Variants in C19orf47 observed in about 807,000 individuals in gnomAD.
C19orf47 encodes chromosome 19 open reading frame 47.
C19orf47 carries 18 observed loss-of-function variants against 32.3 expected under a neutral mutation model. That is an observed-to-expected ratio of 0.56 (90% confidence interval 0.39 to 0.83). The LOEUF (loss-of-function observed/expected upper bound fraction) is 0.83, where lower values mean the gene tolerates loss of function less well. C19orf47 is among the 40% of genes least tolerant of loss of function. The pLI is 0.00. For synonymous variants in C19orf47, 202 were observed against 211.1 expected (o/e 0.96, Z 0.37); for missense variants, 484 against 531.6 (o/e 0.91, Z 0.88).
chr19:40,323,931 G>C (rs1039206982), intron 8 of C19orf47, 75 bp downstream of exon 8: 1 of 1,567,962 alleles, frequency 6.4e-7, no homozygotes, highest in Non-Finnish European at 8.8e-7. Context: ...GTTGAGATGT[G>C]TTAAAGAGTC....
chr19:40,332,944 G>A (rs2077984816), intron 5 of C19orf47, among the ~76,000 whole-genome samples: 1 of 152,102 alleles, frequency 6.6e-6, no homozygotes. Context: ...TCACATTTTT[G>A]TTGGTGATTT....
chr19:40,296,920 A>T, the C19orf47 span, among the ~76,000 whole-genome samples: 1 of 152,048 alleles, frequency 6.6e-6, no homozygotes, highest in Non-Finnish European at 1.5e-5. Context: ...TCTCAAAAAA[A>T]AAAAGATAAA....
the C19orf47 span, among the ~76,000 whole-genome samples, chr19:40,295,537 C>A: frequency 1.3e-5 from 2 of 150,932 alleles, no homozygotes; most frequent in Non-Finnish European, 3.0e-5. Flanking sequence ...CAGGTTCAAG[C>A]GATTCTCCCT....
intron 2 of C19orf47, among the ~76,000 whole-genome samples, chr19:40,336,808 C>T (rs894971219): frequency 6.6e-6 from 1 of 152,254 alleles, no homozygotes; most frequent in East Asian, 1.9e-4. Flanking sequence ...CTGCCCTAGT[C>T]CCCATCAGCC....
At position 40,319,554 on chromosome 19, in the gene C19orf47, T is replaced by C. The variant is rs2077687582; in HGVS notation, c.*2328A>G. 6.6e-6 allele frequency: 1 copy of C among 150,740 alleles called. No individual in the cohort carries two copies. The highest frequency in any genetic ancestry group is 1.5e-5 in the Non-Finnish European group (1 of 67,628). 9.3% of individuals were successfully genotyped at this position (150,740 alleles called of 1,614,324 possible). A position where few individuals can be genotyped will look rare whatever the true frequency, so the allele number is the denominator to read the frequency against. On this transcript the variant is annotated 3_prime_UTR_variant, in exon 9 of 9. Transcript: ENST00000683109. ...CCTTGGCTTTTTTTTTTTTTTTTTT[T>C]GAGATGGAGTCTCGCTCTTGTTGCC... is the stretch of plus-strand genomic sequence containing the variant.
chr19:40,322,415 C>A, intron 8 of C19orf47, 39 bp from the exon 9 acceptor site: 1 of 1,521,358 alleles, frequency 6.6e-7, no homozygotes, highest in South Asian at 1.3e-5. Flanking sequence ...GTCACTGAGT[C>A]ACTCAACACA....
At chr19:40,300,531 T>C in the C19orf47 span, among the ~76,000 whole-genome samples, 1 of 152,196 alleles carries the variant, frequency 6.6e-6, no homozygotes, top group African/African-American at 2.4e-5. Context: ...ATGAGATTCC[T>C]AGAAATCTAA....
chr19:40,334,425 G>A (rs904022147), intron 4 of C19orf47, among the ~76,000 whole-genome samples: 1 of 151,886 alleles, frequency 6.6e-6, no homozygotes, highest in African/African-American at 2.4e-5. Context: ...TTCTAGCCTG[G>A]GCAACAGAGT....
downstream of C19orf47, among the ~76,000 whole-genome samples, chr19:40,317,047 TG>T (rs2077666960): frequency 1.3e-5 from 2 of 152,046 alleles, no homozygotes; most frequent in South Asian, 4.1e-4. Flanking sequence ...CTAGGAGACA[TG>T]GGAAGATACT....
chr19:40,348,144 T>C (rs1321312634), intron 1 of C19orf47, among the ~76,000 whole-genome samples, 180 bp downstream of exon 1: 2 of 152,212 alleles, frequency 1.3e-5, no homozygotes, highest in African/African-American at 4.8e-5. Flanking sequence ...CTCCCATTTA[T>C]AAAGCCGGTG....
At chr19:40,312,552 A>T in the C19orf47 span, among the ~76,000 whole-genome samples, 1 of 152,052 alleles carries the variant, frequency 6.6e-6, no homozygotes, top group African/African-American at 2.4e-5. Context: ...CTCAAAAAAA[A>T]AAAAGAAAAG....
chr19:40,305,472 C>T, the C19orf47 span, among the ~76,000 whole-genome samples: 1 of 152,040 alleles, frequency 6.6e-6, no homozygotes, highest in African/African-American at 2.4e-5. Flanking sequence ...TCACAGCTGC[C>T]CAGTGGATTT....
rs368893832 is a variant in C19orf47 at position 40,328,561 on chromosome 19, A to G, written c.302-11T>C. The G allele has an allele frequency of 1.6e-5, 25 of 1,599,114 alleles. No homozygotes were observed. Among genetic ancestry groups the G allele is most frequent in the Non-Finnish European group, 2.1e-5 (25 of 1,173,860 alleles). On this transcript the variant is annotated splice_polypyrimidine_tract_variant and intron_variant, in intron 5 of 8. Coordinates refer to ENST00000683109, the MANE Select transcript of C19orf47 (RefSeq NM_001256441.2). ...TCATTCGGGAGGCAGCTGTGGGGAGAAAAGGAGAGTCCGGTCGGGTGGGGT... is the reference window on the plus strand; with the variant it reads ...TCATTCGGGAGGCAGCTGTGGGGAGGAAAGGAGAGTCCGGTCGGGTGGGGT...
At chr19:40,347,183 T>C (rs1392183160) in intron 1 of C19orf47, among the ~76,000 whole-genome samples, 1 of 152,134 alleles carries the variant, frequency 6.6e-6, no homozygotes, top group African/African-American at 2.4e-5. Context: ...TTCCATTGTA[T>C]TTTACCTGAA....
chr19:40,318,666 C>G (rs2077679428), downstream of C19orf47, among the ~76,000 whole-genome samples: 1 of 152,174 alleles, frequency 6.6e-6, no homozygotes, highest in African/African-American at 2.4e-5. Flanking sequence ...CCCCTGGAAT[C>G]TGAGGGCCAG....
At chr19:40,310,499 G>A in the C19orf47 span, among the ~76,000 whole-genome samples, 2 of 152,124 alleles carry the variant, frequency 1.3e-5, no homozygotes, top group Non-Finnish European at 2.9e-5. Flanking sequence ...GGGTAGTCTC[G>A]AACTCCTGAC....
At chr19:40,326,201 C>T in intron 7 of C19orf47, 133 bp downstream of exon 7, 1 of 1,271,286 alleles carries the variant, frequency 7.9e-7, no homozygotes, top group Non-Finnish European at 1.1e-6. Flanking sequence ...TCACTGTCCC[C>T]TTGGCCTACG....
At chr19:40,334,187 G>A (rs1000351266) in intron 4 of C19orf47, among the ~76,000 whole-genome samples, 5 of 152,104 alleles carry the variant, frequency 3.3e-5, no homozygotes, top group Non-Finnish European at 5.9e-5. Context: ...GGTGGTTCAC[G>A]CCTGTAATCC....
At chr19:40,299,039 G>C in the C19orf47 span, among the ~76,000 whole-genome samples, 3 of 152,074 alleles carry the variant, frequency 2.0e-5, no homozygotes, top group Non-Finnish European at 4.4e-5. Flanking sequence ...TTTTCTTGTA[G>C]TATTGATAAA....
Sources: gnomAD v4.1 joint callset for allele counts (sites outside exome capture counted in the v4.1 genomes callset) on GRCh38, gnomAD v4.1.1 for gene constraint, MANE v1.5 for transcripts, NCBI Gene and HGNC (gene_info 2026-07-23, HGNC 2026-07-21) for gene names.